Variants in CDKL3 observed in about 807,000 individuals in gnomAD.
CDKL3 encodes cyclin dependent kinase like 3.
A neutral mutation model predicts 69.3 loss-of-function variants in CDKL3; 65 were observed. The observed-to-expected ratio is 0.94, with a 90% confidence interval of 0.77 to 1.15. The LOEUF is 1.15. Among genes scored for constraint, CDKL3 ranks in the 50% most tolerant of loss-of-function variants. The pLI is 0.00. For missense variants in CDKL3, 652 were observed against 689.2 expected (o/e 0.95, Z 0.61); for synonymous variants, 202 against 221.6 (o/e 0.91, Z 0.79).
upstream of CDKL3, chr5:134,371,538 T>TGGGGG: frequency 8.2e-7 from 1 of 1,212,212 alleles, no homozygotes; most frequent in Non-Finnish European, 1.0e-6. Flanking sequence ...CGCCGGGGGG[T>TGGGGG]GGGGGGGCTG....
chr5:134,331,426 G>A (rs1035796372), intron 4 of CDKL3, among the ~76,000 whole-genome samples: 6 of 152,008 alleles, frequency 3.9e-5, no homozygotes, highest in African/African-American at 1.2e-4. Flanking sequence ...ATTTACATTA[G>A]GTATTTCTCC....
chr5:134,336,053 C>T (rs1040900810), intron 4 of CDKL3, among the ~76,000 whole-genome samples: 5 of 152,076 alleles, frequency 3.3e-5, no homozygotes, highest in Admixed American at 6.6e-5. Flanking sequence ...CTTGTCTTCT[C>T]GCTTTATTTC....
rs1237594120 is a variant in CDKL3 at position 134,359,916 on chromosome 5, T to A, written c.341A>T (p.Asp114Val). Reference sequence around the variant, plus strand: ...ACTTACATTATTACTGTGAAGATAGTCAATTGCTCGAAGGATCTGGAAGAG... The same window carrying A: ...ACTTACATTATTACTGTGAAGATAGACAATTGCTCGAAGGATCTGGAAGAG... The part of the protein sequence containing the change: ...KYLFQILRAI[D>V]YLHSNNIIHR... The change falls in exon 3 of 13, where the codon GAC (aspartate) becomes GTC (valine). Residue 114 changes from aspartate (D) to valine (V), a missense_variant. Transcript: ENST00000265334. The A allele has an allele frequency of 3.8e-6, 6 of 1,583,578 alleles. No homozygotes were observed. The East Asian group carries it at 1.4e-4, about 36-fold the overall frequency.
intron 3 of CDKL3, among the ~76,000 whole-genome samples, chr5:134,354,563 A>G (rs892708458): frequency 3.9e-5 from 6 of 152,178 alleles, no homozygotes; most frequent in Non-Finnish European, 8.8e-5. Context: ...AACTACCACA[A>G]TTTTAATTGA....
At chr5:134,356,178 T>G (rs908174745) in intron 3 of CDKL3, among the ~76,000 whole-genome samples, 1 of 152,184 alleles carries the variant, frequency 6.6e-6, no homozygotes, top group Non-Finnish European at 1.5e-5. Flanking sequence ...TTATCAGGCA[T>G]TAGGTTCTCA....
downstream of CDKL3, chr5:134,298,153 C>T (rs113835750): frequency 4.6e-3 from 2,879 of 624,050 alleles, 22 homozygotes; most frequent in African/African-American, 0.033. Flanking sequence ...AGGCTGGTTT[C>T]GAACTCCTGA....
At position 134,304,833 on chromosome 5, in the gene CDKL3, T is replaced by TA. The variant is rs775953262; in HGVS notation, c.1459-267dup. On this transcript the variant is annotated intron_variant, in intron 10 of 12. Transcript: ENST00000265334. ...ACCACAATAATAATAATAATAATAATATTATTATTATTATTATTATTTTGA... is the reference window on the plus strand; with the variant it reads ...ACCACAATAATAATAATAATAATAATAATTATTATTATTATTATTATTTTGA... Among the ~76,000 whole-genome samples, 1,119 of 139,630 alleles carry TA rather than the reference T, an allele frequency of 8.0e-3. 3 individuals carry two copies. The highest frequency in any genetic ancestry group is 0.011 in the African/African-American group (391 of 34,050). 91.6% of individuals were successfully genotyped at this position (139,630 alleles called of 152,430 possible).
downstream of CDKL3, among the ~76,000 whole-genome samples, chr5:134,295,350 T>C (rs1490552022): frequency 6.6e-6 from 1 of 152,136 alleles, no homozygotes; most frequent in Non-Finnish European, 1.5e-5. Context: ...CTCAAATTGA[T>C]GCATAGATTT....
intron 3 of CDKL3, among the ~76,000 whole-genome samples, chr5:134,357,846 C>G (rs1003517377): frequency 2.6e-5 from 4 of 152,192 alleles, no homozygotes; most frequent in Non-Finnish European, 1.5e-5. Flanking sequence ...CTCTGGGTCT[C>G]TATCTACTCA....
At chr5:134,321,163 C>T (rs1772682339) in intron 5 of CDKL3, among the ~76,000 whole-genome samples, 2 of 151,598 alleles carry the variant, frequency 1.3e-5, no homozygotes, top group African/African-American at 4.8e-5. Context: ...CACTCGTCAC[C>T]ATACCTGGCT....
upstream of CDKL3, chr5:134,371,282 C>T (rs2149687682): frequency 2.0e-6 from 1 of 491,382 alleles, no homozygotes; most frequent in Admixed American, 3.4e-5. Context: ...CTAGTCTGAA[C>T]ACAGAGAACA....
rs181125112 is a variant in CDKL3 at position 134,361,733 on chromosome 5, G to A, written c.166-1642C>T. Among the ~76,000 whole-genome samples the A allele has an allele frequency of 3.9e-5, 6 of 152,196 alleles. No homozygotes were observed. The East Asian group carries it at 1.2e-3, about 29-fold the overall frequency. ...AGCCTGGTCAACATGGTGAAACACC[G>A]TCTCTACTAAAAACACAAAAATTAG... On this transcript the variant is annotated intron_variant, in intron 2 of 12. Transcript: ENST00000265334.
intron 3 of CDKL3, among the ~76,000 whole-genome samples, chr5:134,354,140 A>G (rs1753983537): frequency 6.6e-6 from 1 of 152,100 alleles, no homozygotes. Context: ...ATCAATCTGC[A>G]CTTCCCCCTT....
intron 6 of CDKL3, among the ~76,000 whole-genome samples, chr5:134,317,449 T>C (rs1771438879): frequency 6.6e-6 from 1 of 152,102 alleles, no homozygotes; most frequent in South Asian, 2.1e-4. Context: ...CCACTGCACC[T>C]AGCCATTTTA....
chr5:134,367,217 AG>A, upstream of CDKL3: 5 of 985,814 alleles, frequency 5.1e-6, no homozygotes, highest in Non-Finnish European at 6.0e-6. Flanking sequence ...CCGACCCGGA[AG>A]GGGAAGTGGG....
chr5:134,303,574 T>A (rs576761276), intron 11 of CDKL3, among the ~76,000 whole-genome samples: 3 of 147,546 alleles, frequency 2.0e-5, no homozygotes, highest in Admixed American at 1.4e-4. Context: ...CCAGCTGCAA[T>A]GGCTCACGCC....
chr5:134,319,585 T>G, intron 5 of CDKL3, 88 bp from the exon 6 acceptor site: 2 of 1,071,224 alleles, frequency 1.9e-6, no homozygotes, highest in Non-Finnish European at 2.6e-6. Context: ...TATGTTAGAT[T>G]ACTAAAAACT....
At chr5:134,293,803 A>C (rs1765230325), downstream of CDKL3, among the ~76,000 whole-genome samples, 1 of 151,746 alleles carries the variant, frequency 6.6e-6, no homozygotes, top group Admixed American at 6.6e-5. Context: ...TTGTCTCTAC[A>C]AAAAAAAATT....
intron 10 of CDKL3, among the ~76,000 whole-genome samples, chr5:134,304,835 T>A (rs11242211): frequency 0.43 from 53,626 of 123,926 alleles, 11,769 homozygotes; most frequent in Non-Finnish European, 0.55. Flanking sequence ...AATAATAATA[T>A]TATTATTATT....
Sources: allele counts gnomAD v4.1 joint callset (sites outside exome capture counted in the v4.1 genomes callset), GRCh38; gene constraint gnomAD v4.1.1; transcripts MANE v1.5; gene names NCBI Gene and HGNC (gene_info 2026-07-23, HGNC 2026-07-21).